LZTS2: variants seen among roughly 807,000 people sequenced by gnomAD.
The protein encoded by LZTS2 is leucine zipper tumor suppressor 2.
In LZTS2, 32 loss-of-function variants were observed where a neutral mutation model predicts 60.6. The observed-to-expected ratio is 0.53, with a 90% CI of 0.40 to 0.71. The LOEUF (loss-of-function observed/expected upper bound fraction) is 0.71. Ranked by LOEUF, LZTS2 falls within the 30% of genes least tolerant of loss-of-function variation. The pLI is 0.00. For synonymous variants in LZTS2, 360 were observed against 393.1 expected (o/e 0.92, Z 1.00); for missense variants, 792 against 901.9 (o/e 0.88, Z 1.56).
chr10:101,003,867 C>A, exon 2 of LZTS2: 1 of 1,613,124 alleles, frequency 6.2e-7, no homozygotes, highest in East Asian at 2.2e-5. Flanking sequence ...GCGAGGGGCA[C>A]TGCCTGGGCC....
In LZTS2 at chr10:101,002,566, C is replaced by G. The variant is rs756673185; in HGVS notation, c.28C>G (p.Pro10Ala). The G allele has an allele frequency of 2.3e-5, 35 of 1,534,040 alleles. No homozygotes were observed. In the Middle Eastern group the frequency reaches 5.3e-4, roughly 23 times the overall value. ...GGCCATTGTGCAGACTCTGCCAGTG[C>G]CACTGGAGCCTGCTCCTGAAGCTGC... Residue 10 changes from proline to alanine, a missense_variant, in exon 1 of 4, where the codon CCA becomes GCA. Coordinates refer to ENST00000370220, the Ensembl canonical transcript of LZTS2.
chr10:101,006,376 T>C (rs1852196782), intron 3 of LZTS2, 109 bp from the exon 5 acceptor site: 11 of 1,448,542 alleles, frequency 7.6e-6, no homozygotes, highest in South Asian at 1.5e-5. Flanking sequence ...ATCTGTAAAA[T>C]GGGGATAAAG....
chr10:101,004,588 G>T (rs1348596094), intron 2 of LZTS2, among the ~76,000 whole-genome samples: 1 of 152,210 alleles, frequency 6.6e-6, no homozygotes. Context: ...GGGCGACAGA[G>T]CAAGACTCTA....
At chr10:100,998,014 G>T (rs1851950461), upstream of LZTS2, among the ~76,000 whole-genome samples, 1 of 152,204 alleles carries the variant, frequency 6.6e-6, no homozygotes, top group Non-Finnish European at 1.5e-5. Flanking sequence ...GCCCCCGCCT[G>T]TTACCGCCAG....
chr10:101,001,403 T>G (rs981511934), exon 1 of LZTS2: 5 of 152,402 alleles, frequency 3.3e-5, no homozygotes, highest in African/African-American at 9.6e-5. Context: ...ACACACATTT[T>G]CATACACACG....
In LZTS2 at chr10:101,003,762, C is replaced by T. The variant is rs949289879; in HGVS notation, c.664C>T (p.Arg222Ter). The change falls in exon 2 of 4, where the codon CGA (arginine) becomes TGA (stop). Residue 222 changes from arginine (R) to a stop codon, truncating the protein, a stop_gained. Transcript: ENST00000370220. LOFTEE classifies it high-confidence loss of function. ...ATCAGGGACGCTATCCGACTCTGGCCGAAACTCACTGTCCAGCCTGCCCAC... is the reference window on the plus strand; with the variant it reads ...ATCAGGGACGCTATCCGACTCTGGCTGAAACTCACTGTCCAGCCTGCCCAC... The T allele has an allele frequency of 3.1e-6, 5 of 1,613,058 alleles. No homozygotes were observed. The highest frequency in any genetic ancestry group is 1.7e-5 in the Admixed American group (1 of 60,024).
At chr10:101,006,078 A>T (rs1489572300) in intron 3 of LZTS2, among the ~76,000 whole-genome samples, 1 of 152,170 alleles carries the variant, frequency 6.6e-6, no homozygotes, top group Non-Finnish European at 1.5e-5. Flanking sequence ...TGAAGCCCCA[A>T]ATCTGAACCC....
chr10:101,002,798 G>T (rs1852071048), exon 1 of LZTS2: 1 of 1,613,886 alleles, frequency 6.2e-7, no homozygotes, highest in Non-Finnish European at 8.5e-7. Context: ...CCTGTCACCA[G>T]CTTCACCTAC....
At chr10:101,005,474 A>G in exon 3 of LZTS2, 1 of 1,569,856 alleles carries the variant, frequency 6.4e-7, no homozygotes, top group Non-Finnish European at 8.7e-7. Flanking sequence ...GAGGAGCGGC[A>G]GCGGCACTGG....
intron 2 of LZTS2, 76 bp from the exon 4 acceptor site, chr10:101,005,382 G>A: frequency 6.8e-7 from 1 of 1,474,020 alleles, no homozygotes; most frequent in South Asian, 1.4e-5. Context: ...GCCCTCGGAA[G>A]TGGGCTGCCA....
exon 4 of LZTS2, chr10:101,006,591 T>C (rs1852207298): frequency 6.2e-7 from 1 of 1,608,986 alleles, no homozygotes; most frequent in African/African-American, 1.3e-5. Flanking sequence ...CGGGTGGCGC[T>C]GCGGGAGGCC....
At chr10:100,997,398 C>T (rs772488014), upstream of LZTS2, among the ~76,000 whole-genome samples, 8 of 152,174 alleles carry the variant, frequency 5.3e-5, no homozygotes, top group Non-Finnish European at 1.5e-5. Flanking sequence ...GACACGAAAA[C>T]GCACGCCGAC....
chr10:101,002,702 T>G, exon 1 of LZTS2: 1 of 1,611,042 alleles, frequency 6.2e-7, no homozygotes, highest in South Asian at 1.1e-5. Flanking sequence ...GGGCCCACCT[T>G]CTTCCGCCAG....
chr10:101,002,439 A>C, exon 1 of LZTS2: 1 of 1,211,562 alleles, frequency 8.3e-7, no homozygotes, highest in Non-Finnish European at 1.1e-6. Context: ...GGTCAGGATC[A>C]GTGGGTCAGG....
exon 1 of LZTS2, chr10:100,999,680 T>G (rs1851985771): frequency 6.6e-6 from 1 of 152,044 alleles, no homozygotes; most frequent in Non-Finnish European, 1.5e-5. Context: ...CGGATTCGCG[T>G]GACGCGGGTG....
chr10:101,002,600 C>A (rs770673811), exon 1 of LZTS2: 2 of 1,559,012 alleles, frequency 1.3e-6, no homozygotes, highest in African/African-American at 1.4e-5. Flanking sequence ...GCCACTGCCC[C>A]ACAAGCTCCA....
At chr10:101,006,747 T>C (rs778668297) in exon 4 of LZTS2, 1 of 1,591,366 alleles carries the variant, frequency 6.3e-7, no homozygotes, top group East Asian at 2.2e-5. Flanking sequence ...GCTGGGCAGT[T>C]GGATGCTGAG....
At chr10:100,996,672 G>C (rs1426058079), upstream of LZTS2, 1 of 152,470 alleles carries the variant, frequency 6.6e-6, no homozygotes, top group Admixed American at 6.5e-5. Context: ...CCACGCTGAG[G>C]TGTGTGCGTG....
Position 101,004,185 on chromosome 10 carries a change from A to C in LZTS2, c.1068+19A>C. 1 of 1,580,346 alleles carries C rather than the reference A, an allele frequency of 6.3e-7. No homozygotes were observed. The highest frequency in any genetic ancestry group is 8.6e-7 in the Non-Finnish European group (1 of 1,156,810). On this transcript the variant is annotated intron_variant, in intron 2 of 3. Transcript: ENST00000370220. ...GTGCCAGGTGTGGTCAGAGGCAATG[A>C]TGGGGAAGGGGCATGGCAGGACATC...
Sources: allele counts gnomAD v4.1 joint callset (sites outside exome capture counted in the v4.1 genomes callset), GRCh38; gene constraint gnomAD v4.1.1; transcripts MANE v1.5; gene names NCBI Gene and HGNC (gene_info 2026-07-23, HGNC 2026-07-21).